Variants in DPP9 observed in about 807,000 individuals in gnomAD.
DPP9 encodes dipeptidyl peptidase IV-related protein-2.
In DPP9, 50 loss-of-function variants were observed where a neutral mutation model predicts 110.7. The observed-to-expected ratio is 0.45, with a 90% CI of 0.36 to 0.57. The LOEUF (loss-of-function observed/expected upper bound fraction) is 0.57, where lower values mean the gene tolerates loss of function less well. Among genes scored for constraint, DPP9 ranks in the 20% least tolerant of loss-of-function variants. The pLI is 0.00. For synonymous variants in DPP9, 561 were observed against 514.4 expected (o/e 1.09, Z -1.23); for missense variants, 1,022 against 1,217.9 (o/e 0.84, Z 2.39).
At chr19:4,691,393 T>G (rs1262108455) in intron 13 of DPP9, among the ~76,000 whole-genome samples, 4 of 151,882 alleles carry the variant, frequency 2.6e-5, no homozygotes, top group Non-Finnish European at 5.9e-5. Flanking sequence ...GGAGGACTGC[T>G]TGAGCCAGGA....
chr19:4,690,992 T>C lies in DPP9; in HGVS notation c.1517-35A>G, dbSNP rs771108261. On this transcript the variant is annotated intron_variant, in intron 13 of 21. Coordinates refer to ENST00000262960, the MANE Select transcript of DPP9 (RefSeq NM_139159.5). Reference sequence around the variant, plus strand: ...AAGAAAGAAGGGAGGTGAAGGGGCCTGGGAGGTGATGCAGGCGCCCAAAGG... The same window carrying C: ...AAGAAAGAAGGGAGGTGAAGGGGCCCGGGAGGTGATGCAGGCGCCCAAAGG... 3.8e-6 allele frequency: 6 copies of C among 1,562,182 alleles called. No individual in the cohort carries two copies. The South Asian group carries it at 6.8e-5, about 18-fold the overall frequency.
chr19:4,677,296 G>T (rs752494253), intron 21 of DPP9, among the ~76,000 whole-genome samples: 1 of 152,060 alleles, frequency 6.6e-6, no homozygotes, highest in African/African-American at 2.4e-5. Flanking sequence ...AGGCACTGAC[G>T]GACAACCCCT....
At position 4,705,906 on chromosome 19, in the gene DPP9, T is replaced by C. The variant is rs752882636; in HGVS notation, c.378A>G (p.Lys126=). ...TCCAGGACAGGAGCAGCAGAGCCTC[T>C]TTCCGGACCTTCTTGGGAATCTCAG... ...LYSEIPKKVR[K]EALLLLSWKQ... Residue 126 remains lysine (K), a synonymous_variant, in exon 5 of 22, where the codon AAA becomes AAG. Coordinates refer to ENST00000262960, the MANE Select transcript of DPP9 (RefSeq NM_139159.5). The C allele has an allele frequency of 8.1e-6, 13 of 1,613,858 alleles. No homozygotes were observed. The highest frequency in any genetic ancestry group is 2.5e-6 in the Non-Finnish European group (3 of 1,179,860).
At position 4,685,899 on chromosome 19, in the gene DPP9, G is replaced by A; in HGVS notation, c.1886-128C>T. 1.8e-6 allele frequency: 2 copies of A among 1,137,568 alleles called. No individual in the cohort carries two copies. The highest frequency in any genetic ancestry group is 2.4e-6 in the Non-Finnish European group (2 of 821,444). The allele number at this position is 1,137,568 out of a possible 1,614,324, so 70.5% of individuals were successfully genotyped here. A position where few individuals can be genotyped will look rare whatever the true frequency, so the allele number is the denominator to read the frequency against. ...CCCCCTCTTTTCCTGGGCTTCCCGA[G>A]AGTTGATAATTGAAAAAAACGTTTT... is the stretch of plus-strand genomic sequence containing the variant. On this transcript the variant is annotated intron_variant, in intron 16 of 21. Transcript: ENST00000262960. The surrounding 1 kb of genome is among the most constrained non-coding windows in gnomAD (Gnocchi z 5.8).
chr19:4,701,577 G>C (rs144660637), intron 9 of DPP9, among the ~76,000 whole-genome samples: 449 of 152,322 alleles, frequency 2.9e-3, no homozygotes, highest in Admixed American at 5.5e-3. Flanking sequence ...AGACGGTTAA[G>C]AAAACAAACA....
In DPP9 at chr19:4,675,227, CAT is replaced by C. The variant is rs2145204417; in HGVS notation, c.*1335_*1336del. On this transcript the variant is annotated 3_prime_UTR_variant, in exon 22 of 22. Transcript: ENST00000262960. ...CTTAGAAGGAACCTCAGGCAGGTGA[CAT>C]GTTTCCAACTGGAATCGTTTAATGT... The C allele has an allele frequency of 6.6e-6, 1 of 152,580 alleles. No homozygotes were observed. Among genetic ancestry groups the C allele is most frequent in the South Asian group, 2.1e-4 (1 of 4,820 alleles). The allele number at this position is 152,580 out of a possible 1,614,324, so 9.5% of individuals were successfully genotyped here.
intron 4 of DPP9, among the ~76,000 whole-genome samples, chr19:4,711,789 A>G (rs893205480): frequency 2.0e-5 from 3 of 150,676 alleles, no homozygotes; most frequent in East Asian, 1.9e-4. Context: ...AAAAAAAAAA[A>G]AAAAAAAAAA....
chr19:4,710,437 A>G lies in DPP9; in HGVS notation c.313+3644T>C, dbSNP rs570836538. Among the ~76,000 whole-genome samples, 1 of 152,284 alleles carries G rather than the reference A, an allele frequency of 6.6e-6. No homozygotes were observed. Among genetic ancestry groups the G allele is most frequent in the East Asian group, 1.9e-4 (1 of 5,168 alleles). ...GGAGCGGGGTCGGGAGCGTTTCCCA[A>G]TGCTGCAGTCTGAGGCCTGGAACCT... is the stretch of plus-strand genomic sequence containing the variant. On this transcript the variant is annotated intron_variant, in intron 4 of 21. Coordinates refer to ENST00000262960, the MANE Select transcript of DPP9 (RefSeq NM_139159.5). The surrounding 1 kb of genome is among the most constrained non-coding windows in gnomAD (Gnocchi z 5.6).
At position 4,685,353 on chromosome 19, in the gene DPP9, G is replaced by C. The variant is rs1451720494; in HGVS notation, c.2031+273C>G. On this transcript the variant is annotated intron_variant, in intron 17 of 21. Coordinates refer to ENST00000262960, the MANE Select transcript of DPP9 (RefSeq NM_139159.5). This position sits in a 1 kb window ranked among gnomAD's most constrained non-coding sequence, Gnocchi z 5.8. ...CTCCATACCAACCTGGAGACTAGGG[G>C]ACTTCCTAGAGGAACAAGGGAGAGT... The C allele has an allele frequency of 1.6e-6, 1 of 621,592 alleles. No individual in the cohort carries two copies. The highest frequency in any genetic ancestry group is 3.4e-5 in the East Asian group (1 of 29,550). 38.5% of individuals were successfully genotyped at this position (621,592 alleles called of 1,614,324 possible). A position where few individuals can be genotyped will look rare whatever the true frequency, so the allele number is the denominator to read the frequency against.
intron 4 of DPP9, among the ~76,000 whole-genome samples, chr19:4,706,199 G>T (rs1191745181): frequency 1.3e-5 from 2 of 151,866 alleles, no homozygotes; most frequent in Admixed American, 6.6e-5. Flanking sequence ...AATTACCGAA[G>T]AAACAGCACA....
intron 20 of DPP9, among the ~76,000 whole-genome samples, chr19:4,680,310 C>T (rs941265913): frequency 2.7e-5 from 4 of 149,820 alleles, no homozygotes; most frequent in African/African-American, 4.9e-5. Context: ...CAGGCTGAGG[C>T]GGGAGGATCA....
At chr19:4,706,039 A>G in intron 4 of DPP9, 69 bp from the exon 5 acceptor site, 1 of 1,326,150 alleles carries the variant, frequency 7.5e-7, no homozygotes, top group Non-Finnish European at 1.1e-6. Flanking sequence ...CTCAGCCTGC[A>G]GCTGGGCCCA....
chr19:4,685,459 G>T lies in DPP9; in HGVS notation c.2031+167C>A. 1.3e-6 allele frequency: 1 copy of T among 777,680 alleles called. No individual in the cohort carries two copies. The highest frequency in any genetic ancestry group is 1.6e-5 in the South Asian group (1 of 61,770). 48.2% of individuals were successfully genotyped at this position (777,680 alleles called of 1,614,324 possible). On this transcript the variant is annotated intron_variant, in intron 17 of 21. Coordinates refer to ENST00000262960, the MANE Select transcript of DPP9 (RefSeq NM_139159.5). This position sits in a 1 kb window ranked among gnomAD's most constrained non-coding sequence, Gnocchi z 5.8. ...GGGCACAGAGAAAGGAGGGTGAGGG[G>T]CCCCGAGGACCCTGTGTAGTCAGGG...
rs2090504057 is a variant in DPP9, at chr19:4,685,141, G to A, written c.2032-332C>T. On this transcript the variant is annotated intron_variant, in intron 17 of 21. Transcript: ENST00000262960. This position sits in a 1 kb window ranked among gnomAD's most constrained non-coding sequence, Gnocchi z 5.8. Reference sequence around the variant, plus strand: ...GGCCATCTGGGCACTGCGGGGTGCTGAGAAGCCACTCCAGGCCAGGAGAAC... The same window carrying A: ...GGCCATCTGGGCACTGCGGGGTGCTAAGAAGCCACTCCAGGCCAGGAGAAC... 12 of 563,980 alleles carry A rather than the reference G, an allele frequency of 2.1e-5. No individual in the cohort carries two copies. The highest frequency in any genetic ancestry group is 1.9e-5 in the African/African-American group (1 of 53,970). 34.9% of individuals were successfully genotyped at this position (563,980 alleles called of 1,614,324 possible).
chr19:4,675,403 G>A lies in DPP9; in HGVS notation c.*1161C>T, dbSNP rs1295119442. 4 of 151,666 alleles carry A rather than the reference G, an allele frequency of 2.6e-5. No individual in the cohort carries two copies. The highest frequency in any genetic ancestry group is 5.9e-5 in the Non-Finnish European group (4 of 67,878). The allele number at this position is 151,666 out of a possible 1,614,324, so 9.4% of individuals were successfully genotyped here. A position where few individuals can be genotyped will look rare whatever the true frequency, so the allele number is the denominator to read the frequency against. On this transcript the variant is annotated 3_prime_UTR_variant, in exon 22 of 22. Coordinates refer to ENST00000262960, the MANE Select transcript of DPP9 (RefSeq NM_139159.5). ...CCCGCCCCTGGCAGAGCTCTTGGCG[G>A]GGAGGGAAGGGGAGAGGGAAATATA...
chr19:4,695,347 C>A lies in DPP9; in HGVS notation c.1353+31G>T, dbSNP rs34206268. ...GGACAGTGTGACTCCAGGGCCCAGG[C>A]GGGCATACAGCCAGCGCTTGCCCCG... On this transcript the variant is annotated intron_variant, in intron 12 of 21. Transcript: ENST00000262960. This position sits in a 1 kb window ranked among gnomAD's most constrained non-coding sequence, Gnocchi z 4.7. 31,458 of 1,529,216 alleles carry A rather than the reference C, an allele frequency of 0.021. 412 individuals are homozygous for A. The highest frequency in any genetic ancestry group is 0.025 in the Non-Finnish European group (28,633 of 1,136,814). 94.7% of individuals were successfully genotyped at this position (1,529,216 alleles called of 1,614,324 possible).
chr19:4,708,800 G>C lies in DPP9; in HGVS notation c.314-2830C>G, dbSNP rs73543631. Among the ~76,000 whole-genome samples, 595 of 152,312 alleles carry C rather than the reference G, an allele frequency of 3.9e-3. 6 individuals carry two copies. The highest frequency in any genetic ancestry group is 0.014 in the African/African-American group (563 of 41,550). On this transcript the variant is annotated intron_variant, in intron 4 of 21. Coordinates refer to ENST00000262960, the MANE Select transcript of DPP9 (RefSeq NM_139159.5). ...GCCTATTGGAGGGTGGAGGGTGGAG[G>C]GGGAGCAGCAGACAAAATAACTATC...
intron 4 of DPP9, among the ~76,000 whole-genome samples, chr19:4,712,344 C>T (rs2092874938): frequency 6.6e-6 from 1 of 152,120 alleles, no homozygotes; most frequent in Admixed American, 6.6e-5. Context: ...AGCCTAGGGG[C>T]TCAAGACCAG....
At chr19:4,678,618 G>A (rs1599853678) in intron 21 of DPP9, among the ~76,000 whole-genome samples, 2 of 152,148 alleles carry the variant, frequency 1.3e-5, no homozygotes, top group East Asian at 3.9e-4. Context: ...CACTCCCTGG[G>A]CTGCTTGGGA....
Sources: gnomAD v4.1 joint callset for allele counts (sites outside exome capture counted in the v4.1 genomes callset) on GRCh38, gnomAD v4.1.1 for gene constraint, Gnocchi (gnomAD v3.1) non-coding constraint, MANE v1.5 for transcripts, NCBI Gene and HGNC (gene_info 2026-07-23, HGNC 2026-07-21) for gene names.